The following ADORA2B variants were observed in gnomAD, a reference collection of about 807,000 sequenced individuals.
ADORA2B encodes adenosine A2b receptor.
In ADORA2B, 18 loss-of-function variants were observed where a neutral mutation model predicts 20.8. The observed-to-expected ratio is 0.87, with a 90% CI of 0.60 to 1.29. ADORA2B has a LOEUF of 1.29. Among genes scored for constraint, ADORA2B ranks in the 50% most tolerant of loss-of-function variants. The pLI is 0.00. For synonymous variants in ADORA2B, 179 were observed against 178.3 expected (o/e 1.00, Z -0.03); for missense variants, 441 against 422.7 (o/e 1.04, Z -0.38).
upstream of ADORA2B, among the ~76,000 whole-genome samples, chr17:15,943,726 CA>C (rs2151589402): frequency 6.6e-6 from 1 of 152,334 alleles, no homozygotes; most frequent in Admixed American, 6.5e-5. Context: ...CAGAACCGTA[CA>C]ACCATCACCA....
the ADORA2B span, chr17:15,908,582 T>TA: frequency 5.2e-6 from 1 of 193,884 alleles, no homozygotes; most frequent in Admixed American, 5.1e-5. Flanking sequence ...GCCTGACTGG[T>TA]AGAGCATGAT....
the ADORA2B span, among the ~76,000 whole-genome samples, chr17:15,924,830 C>T: frequency 6.6e-6 from 1 of 151,580 alleles, no homozygotes; most frequent in Non-Finnish European, 1.5e-5. Flanking sequence ...CCCCTTAGCC[C>T]CTCCAGTCTT....
the ADORA2B span, among the ~76,000 whole-genome samples, chr17:15,894,970 A>G: frequency 6.6e-6 from 1 of 152,174 alleles, no homozygotes; most frequent in Non-Finnish European, 1.5e-5. Flanking sequence ...GCTCAAGAGT[A>G]TAGAAGCTAG....
chr17:15,958,319 A>G (rs962289579), intron 1 of ADORA2B, among the ~76,000 whole-genome samples: 5 of 152,174 alleles, frequency 3.3e-5, no homozygotes, highest in Non-Finnish European at 7.4e-5. Context: ...CGCCCGGCCC[A>G]GGTACACTTC....
At chr17:15,883,849 T>C in the ADORA2B span, among the ~76,000 whole-genome samples, 118 of 152,318 alleles carry the variant, frequency 7.7e-4, no homozygotes, top group African/African-American at 2.8e-3. Flanking sequence ...GCTGTCTCCA[T>C]CCATGTGATG....
chr17:15,867,331 T>G, the ADORA2B span, among the ~76,000 whole-genome samples: 2 of 148,742 alleles, frequency 1.3e-5, no homozygotes, highest in Non-Finnish European at 3.0e-5. Flanking sequence ...ATCCCATCTA[T>G]GAAGTGAGGA....
At chr17:15,866,818 T>C in the ADORA2B span, among the ~76,000 whole-genome samples, 1 of 151,406 alleles carries the variant, frequency 6.6e-6, no homozygotes, top group East Asian at 1.9e-4. Context: ...CTTTCCACAG[T>C]CTCCCTCTGA....
the ADORA2B span, among the ~76,000 whole-genome samples, chr17:15,878,115 C>A: frequency 6.6e-6 from 1 of 151,710 alleles, no homozygotes; most frequent in Non-Finnish European, 1.5e-5. Context: ...TTATTCGTTT[C>A]TCCTGAAGGA....
intron 1 of ADORA2B, among the ~76,000 whole-genome samples, chr17:15,955,183 A>G (rs1173416552): frequency 6.6e-6 from 1 of 152,114 alleles, no homozygotes; most frequent in Non-Finnish European, 1.5e-5. Context: ...TTGAAAATAC[A>G]GTATTTGCGG....
At chr17:15,882,692 T>G in the ADORA2B span, among the ~76,000 whole-genome samples, 19 of 152,196 alleles carry the variant, frequency 1.2e-4, no homozygotes, top group Non-Finnish European at 2.2e-4. Flanking sequence ...TCCATATAAA[T>G]AGAAATACTA....
At chr17:15,874,514 C>T in the ADORA2B span, among the ~76,000 whole-genome samples, 1 of 151,180 alleles carries the variant, frequency 6.6e-6, no homozygotes, top group African/African-American at 2.4e-5. Flanking sequence ...ATCATGAGAC[C>T]CTGTGTCTAC....
At chr17:15,918,894 G>C in the ADORA2B span, among the ~76,000 whole-genome samples, 1 of 152,182 alleles carries the variant, frequency 6.6e-6, no homozygotes, top group African/African-American at 2.4e-5. Context: ...GGGACAGGCA[G>C]GTCACTCTGT....
upstream of ADORA2B, chr17:15,945,083 G>A (rs1969780956): frequency 4.0e-6 from 2 of 499,034 alleles, no homozygotes; most frequent in East Asian, 4.0e-5. Flanking sequence ...GCCGCGGGGG[G>A]CCCCGACCCG....
At chr17:15,915,755 T>G in the ADORA2B span, among the ~76,000 whole-genome samples, 5 of 143,088 alleles carry the variant, frequency 3.5e-5, no homozygotes, top group African/African-American at 1.2e-4. Flanking sequence ...TAAATATTCC[T>G]CTACCTTTTG....
At chr17:15,944,739 G>T (rs1340910274), upstream of ADORA2B, among the ~76,000 whole-genome samples, 1 of 152,096 alleles carries the variant, frequency 6.6e-6, no homozygotes, top group Non-Finnish European at 1.5e-5. The surrounding 1 kb of genome is among the most constrained non-coding windows in gnomAD (Gnocchi z 4.8). Context: ...CGCAGGGTTA[G>T]CCTGGAGTGA....
chr17:15,912,739 G>A, the ADORA2B span, among the ~76,000 whole-genome samples: 9 of 152,196 alleles, frequency 5.9e-5, no homozygotes, highest in Non-Finnish European at 8.8e-5. Context: ...ACGCACACAT[G>A]GGCATTTTAT....
chr17:15,873,129 T>C, the ADORA2B span, among the ~76,000 whole-genome samples: 1 of 152,256 alleles, frequency 6.6e-6, no homozygotes, highest in Non-Finnish European at 1.5e-5. Context: ...CTGAACTTTG[T>C]TGAATGCTCT....
At chr17:15,897,829 ACTATTTCG>A in the ADORA2B span, among the ~76,000 whole-genome samples, 1 of 152,220 alleles carries the variant, frequency 6.6e-6, no homozygotes, top group Non-Finnish European at 1.5e-5. Context: ...TCACTATTTC[ACTATTTCG>A]CTATTGTAGA....
intron 1 of ADORA2B, among the ~76,000 whole-genome samples, chr17:15,964,489 A>G (rs1435067894): frequency 6.6e-6 from 1 of 151,368 alleles, no homozygotes; most frequent in Admixed American, 6.6e-5. Context: ...GGCGCCTGTA[A>G]TCCCAGCTAC....
Sources: allele counts gnomAD v4.1 joint callset (sites outside exome capture counted in the v4.1 genomes callset), GRCh38; gene constraint gnomAD v4.1.1; non-coding constraint Gnocchi (gnomAD v3.1); transcripts MANE v1.5; gene names NCBI Gene and HGNC (gene_info 2026-07-23, HGNC 2026-07-21).